Variants in NR3C2 observed in about 807,000 individuals in gnomAD.
NR3C2 encodes the protein nuclear receptor subfamily 3 group C member 2, also known as mineralocorticoid receptor.
NR3C2 carries 15 observed loss-of-function variants against 86.4 expected under a neutral mutation model. The ratio of observed to expected loss-of-function variants is 0.17; its 90% CI spans 0.12 to 0.27. The LOEUF (loss-of-function observed/expected upper bound fraction) is 0.27. Ranked by LOEUF, NR3C2 falls within the 10% of genes least tolerant of loss-of-function variation. The probability of loss-of-function intolerance (pLI) is 1.00; values close to 1 mark genes in which losing one functional copy is unlikely to be tolerated. For missense variants in NR3C2, 960 were observed against 1,195.6 expected (o/e 0.80, Z 2.91); for synonymous variants, 458 against 450.5 (o/e 1.02, Z -0.21).
chr4:148,396,718 C>T (rs556710234), intron 2 of NR3C2, among the ~76,000 whole-genome samples: 27 of 152,258 alleles, frequency 1.8e-4, no homozygotes, highest in African/African-American at 6.3e-4. Flanking sequence ...ACACAACAGA[C>T]CATTTTAATG....
At chr4:148,209,965 G>A (rs1423943686) in intron 3 of NR3C2, among the ~76,000 whole-genome samples, 1 of 152,186 alleles carries the variant, frequency 6.6e-6, no homozygotes, top group Non-Finnish European at 1.5e-5. Flanking sequence ...CCTTGCTACA[G>A]AGCAATGTTC....
At chr4:148,091,130 A>T (rs562910406) in intron 8 of NR3C2, among the ~76,000 whole-genome samples, 1 of 152,226 alleles carries the variant, frequency 6.6e-6, no homozygotes, top group Non-Finnish European at 1.5e-5. Flanking sequence ...CATCTGGCGC[A>T]CCCTGCCCTG....
chr4:148,442,791 GC>G (rs891478895), upstream of NR3C2: 24 of 985,442 alleles, frequency 2.4e-5, no homozygotes, highest in African/African-American at 4.0e-4. Context: ...TCCGCACGCT[GC>G]CCCCACCCCC....
chr4:148,235,063 ACTC>A (rs1388673209), intron 3 of NR3C2, among the ~76,000 whole-genome samples: 1 of 151,984 alleles, frequency 6.6e-6, no homozygotes, highest in Non-Finnish European at 1.5e-5. Flanking sequence ...TAAAATGACA[ACTC>A]CTGGTTACAG....
chr4:148,288,953 T>TTAATGGGGCA (rs1741665299), intron 2 of NR3C2, among the ~76,000 whole-genome samples: 1 of 152,160 alleles, frequency 6.6e-6, no homozygotes, highest in Admixed American at 6.5e-5. Context: ...TGCCCCATTC[T>TTAATGGGGCA]TTAACAAGTT....
At chr4:148,197,931 A>C (rs1260633379) in intron 3 of NR3C2, among the ~76,000 whole-genome samples, 1 of 152,156 alleles carries the variant, frequency 6.6e-6, no homozygotes, top group African/African-American at 2.4e-5. Context: ...TTAGTCATCC[A>C]TCCGTGTACT....
At chr4:148,407,615 C>G (rs908933315) in intron 2 of NR3C2, among the ~76,000 whole-genome samples, 10 of 152,008 alleles carry the variant, frequency 6.6e-5, no homozygotes, top group African/African-American at 2.4e-4. Flanking sequence ...TCTCATAGTT[C>G]TAGAATATCA....
chr4:148,313,606 C>T (rs1411361734), intron 2 of NR3C2, among the ~76,000 whole-genome samples: 1 of 152,138 alleles, frequency 6.6e-6, no homozygotes, highest in Non-Finnish European at 1.5e-5. Flanking sequence ...TACTCAAGAA[C>T]ACAATTAGTA....
At chr4:148,326,247 A>AC (rs2149962286) in intron 2 of NR3C2, among the ~76,000 whole-genome samples, 1 of 150,904 alleles carries the variant, frequency 6.6e-6, no homozygotes, top group South Asian at 2.1e-4. Flanking sequence ...AAAAAAAAAA[A>AC]AAAATTAGCC....
chr4:148,184,039 C>T (rs1276612520), intron 4 of NR3C2, among the ~76,000 whole-genome samples: 1 of 152,036 alleles, frequency 6.6e-6, no homozygotes, highest in Non-Finnish European at 1.5e-5. Context: ...CTACTATGCA[C>T]AGGACAGTCC....
intron 2 of NR3C2, among the ~76,000 whole-genome samples, chr4:148,368,883 G>T (rs370405168): frequency 6.6e-6 from 1 of 152,330 alleles, no homozygotes; most frequent in East Asian, 1.9e-4. Context: ...TGTAGAGACA[G>T]AACTTGTTGA....
intron 8 of NR3C2, among the ~76,000 whole-genome samples, chr4:148,087,615 AG>A (rs770232109): frequency 2.6e-5 from 4 of 152,188 alleles, no homozygotes; most frequent in African/African-American, 4.8e-5. Context: ...CAATGGGGAA[AG>A]GATCCTCTAT....
In NR3C2 at chr4:148,229,246, C is replaced by T. The variant is rs191321367; in HGVS notation, c.1897+30732G>A. ...CCACCCGAAATTCACGCCTTAGGCA[C>T]TGGGAGAAGCCTGGCCTCTTCAGCT... On this transcript the variant is annotated intron_variant, in intron 3 of 8. Coordinates refer to ENST00000358102, the MANE Select transcript of NR3C2 (RefSeq NM_000901.5). 8.0e-4 allele frequency among the ~76,000 whole-genome samples: 122 copies of T among 152,132 alleles called. 1 individual carries two copies. Among genetic ancestry groups the T allele is most frequent in the African/African-American group, 2.7e-3 (111 of 41,450 alleles).
At chr4:148,311,862 A>G (rs1461777504) in intron 2 of NR3C2, among the ~76,000 whole-genome samples, 1 of 152,208 alleles carries the variant, frequency 6.6e-6, no homozygotes, top group Non-Finnish European at 1.5e-5. Flanking sequence ...TGCATCTGCT[A>G]TTCACTCTGC....
rs1730536452 is a variant in NR3C2, at chr4:148,081,186, T to C, written c.*158A>G. 1 of 1,049,038 alleles carries C rather than the reference T, an allele frequency of 9.5e-7. No homozygotes were observed. The highest frequency in any genetic ancestry group is 2.1e-5 in the Admixed American group (1 of 48,766). 65.0% of individuals were successfully genotyped at this position (1,049,038 alleles called of 1,614,324 possible). ...CTCGCCAAATCCACGGAAAAACAGC[T>C]TTCCCGGCTCCAAACCTCTGACATG... On this transcript the variant is annotated 3_prime_UTR_variant, in exon 9 of 9. Coordinates refer to ENST00000358102, the MANE Select transcript of NR3C2 (RefSeq NM_000901.5).
chr4:148,122,171 C>A (rs1348763306), intron 6 of NR3C2, among the ~76,000 whole-genome samples: 2 of 152,072 alleles, frequency 1.3e-5, no homozygotes, highest in African/African-American at 4.8e-5. Context: ...AGCATTTTTT[C>A]AAATGTTTAC....
chr4:148,102,003 A>C (rs955590876), intron 8 of NR3C2, among the ~76,000 whole-genome samples: 1 of 152,144 alleles, frequency 6.6e-6, no homozygotes, highest in Admixed American at 6.5e-5. Flanking sequence ...ACCACCTCCC[A>C]GTTGCTATGG....
chr4:148,440,500 T>C (rs1199182742), intron 1 of NR3C2, among the ~76,000 whole-genome samples: 1 of 152,228 alleles, frequency 6.6e-6, no homozygotes, highest in African/African-American at 2.4e-5. Flanking sequence ...GATAGAGGTA[T>C]ACAAATCTAA....
intron 8 of NR3C2, among the ~76,000 whole-genome samples, chr4:148,088,104 G>A (rs1207359163): frequency 6.6e-6 from 1 of 152,072 alleles, no homozygotes; most frequent in East Asian, 1.9e-4. Context: ...ACAAACATTT[G>A]GAAAAAAGCT....
Sources: allele counts gnomAD v4.1 joint callset (sites outside exome capture counted in the v4.1 genomes callset), GRCh38; gene constraint gnomAD v4.1.1; transcripts MANE v1.5; gene names NCBI Gene and HGNC (gene_info 2026-07-23, HGNC 2026-07-21).